The following SPAG16 variants were observed in gnomAD, a reference collection of about 807,000 sequenced individuals.
SPAG16 encodes the protein sperm-associated antigen 16 protein.
Under a neutral mutation model 80.4 loss-of-function variants are expected in SPAG16, and 86 were observed. The ratio of observed to expected loss-of-function variants is 1.07; its 90% CI spans 0.90 to 1.28. The LOEUF (loss-of-function observed/expected upper bound fraction) is 1.28. SPAG16 is among the 50% of genes most tolerant of loss of function. The pLI, the probability that SPAG16 is intolerant of heterozygous loss-of-function variation, is 0.00. For missense variants in SPAG16, 870 were observed against 765.3 expected, an observed-to-expected ratio of 1.14 and a Z score of -1.61; for synonymous variants, 294 against 265.9, an observed-to-expected ratio of 1.11 and a Z score of -1.03.
At chr2:214,157,718 TC>T (rs977486833) in intron 15 of SPAG16, among the ~76,000 whole-genome samples, 3 of 152,114 alleles carry the variant, frequency 2.0e-5, no homozygotes, top group Non-Finnish European at 4.4e-5. Context: ...AAAATGCATT[TC>T]AATTGCATGA....
intron 13 of SPAG16, among the ~76,000 whole-genome samples, chr2:214,048,510 A>G (rs2049461524): frequency 6.6e-6 from 1 of 152,000 alleles, no homozygotes; most frequent in Admixed American, 6.6e-5. Flanking sequence ...AATTAAAACA[A>G]TTGAACCTAT....
intron 9 of SPAG16, among the ~76,000 whole-genome samples, chr2:213,414,409 A>G (rs180999639): frequency 6.6e-6 from 1 of 152,244 alleles, no homozygotes; most frequent in East Asian, 1.9e-4. Context: ...ATATTTATAA[A>G]TCTCTGTTCT....
chr2:213,887,808 T>C (rs2076619622), intron 11 of SPAG16, among the ~76,000 whole-genome samples: 1 of 151,826 alleles, frequency 6.6e-6, no homozygotes, highest in African/African-American at 2.4e-5. Context: ...ATATTGATTA[T>C]AGATATTAAC....
At chr2:213,721,389 G>A (rs1262103577) in intron 10 of SPAG16, among the ~76,000 whole-genome samples, 4 of 152,164 alleles carry the variant, frequency 2.6e-5, no homozygotes, top group Non-Finnish European at 4.4e-5. Context: ...GTAAGCCACC[G>A]CGCCTGGCCT....
rs150011017 is a variant in SPAG16 at position 214,230,540 on chromosome 2, G to A, written c.1720+81274G>A. On this transcript the variant is annotated intron_variant, in intron 15 of 15. Coordinates refer to ENST00000331683, the MANE Select transcript of SPAG16 (RefSeq NM_024532.5). Reference sequence around the variant, plus strand: ...AATCTCAGGAAGAAATATTATGATAGTTTAAAATTAGTTCATAAATAATTG... The same window carrying A: ...AATCTCAGGAAGAAATATTATGATAATTTAAAATTAGTTCATAAATAATTG... 4.7e-4 allele frequency among the ~76,000 whole-genome samples: 71 copies of A among 152,094 alleles called. No homozygotes were observed. The East Asian group carries it at 0.013, about 27-fold the overall frequency.
intron 10 of SPAG16, among the ~76,000 whole-genome samples, chr2:213,758,961 A>C (rs1226094268): frequency 6.6e-6 from 1 of 152,246 alleles, no homozygotes; most frequent in Non-Finnish European, 1.5e-5. Flanking sequence ...TAAGATTATC[A>C]GTATATTTCT....
At chr2:213,940,464 A>C (rs115183080) in intron 12 of SPAG16, among the ~76,000 whole-genome samples, 1,988 of 151,950 alleles carry the variant, frequency 0.013, 40 homozygotes, top group African/African-American at 0.045. Context: ...TTATATATTT[A>C]TTTTTATTTT....
At chr2:214,103,524 TTG>T (rs1466485655) in intron 13 of SPAG16, among the ~76,000 whole-genome samples, 1 of 152,096 alleles carries the variant, frequency 6.6e-6, no homozygotes, top group African/African-American at 2.4e-5. Context: ...ATGAAAAAGG[TTG>T]TGTTTGAGTT....
intron 12 of SPAG16, among the ~76,000 whole-genome samples, chr2:213,976,308 G>T (rs529052627): frequency 6.7e-6 from 1 of 150,244 alleles, no homozygotes; most frequent in South Asian, 2.1e-4. Context: ...ATACACATGT[G>T]TGCGCATATG....
At chr2:213,993,368 G>A (rs1042279420) in intron 12 of SPAG16, among the ~76,000 whole-genome samples, 1 of 152,144 alleles carries the variant, frequency 6.6e-6, no homozygotes, top group African/African-American at 2.4e-5. Flanking sequence ...AATGGCAGAA[G>A]TCATTTCAAC....
chr2:214,332,750 C>T (rs1697011180), intron 15 of SPAG16, among the ~76,000 whole-genome samples: 2 of 152,048 alleles, frequency 1.3e-5, no homozygotes, highest in South Asian at 4.1e-4. Context: ...TTAAGGGTGA[C>T]TCTAATCTCC....
intron 14 of SPAG16, among the ~76,000 whole-genome samples, chr2:214,142,630 G>T (rs1472023507): frequency 1.3e-5 from 2 of 152,154 alleles, no homozygotes; most frequent in African/African-American, 2.4e-5. Context: ...TAATGTAGAT[G>T]AAATCTGCCC....
chr2:214,090,728 C>T (rs1262305493), intron 13 of SPAG16, among the ~76,000 whole-genome samples: 1 of 151,944 alleles, frequency 6.6e-6, no homozygotes, highest in African/African-American at 2.4e-5. Context: ...AACATTGTTT[C>T]GAATATCCTG....
chr2:213,835,443 C>T (rs559905130), intron 10 of SPAG16, among the ~76,000 whole-genome samples: 15 of 152,282 alleles, frequency 9.9e-5, no homozygotes, highest in African/African-American at 3.4e-4. Context: ...AAGAATTGCA[C>T]AAACTACTCA....
intron 14 of SPAG16, among the ~76,000 whole-genome samples, chr2:214,129,439 T>A (rs2054652738): frequency 6.6e-6 from 1 of 152,120 alleles, no homozygotes. Flanking sequence ...TTTGTCCAGG[T>A]TTTTGGTTGT....
chr2:213,369,547 A>G (rs1345020721), intron 8 of SPAG16, among the ~76,000 whole-genome samples: 1 of 151,818 alleles, frequency 6.6e-6, no homozygotes, highest in Non-Finnish European at 1.5e-5. Context: ...AATAAAATGC[A>G]TAAATTTAAG....
At chr2:214,301,822 G>A (rs1288823999) in intron 15 of SPAG16, among the ~76,000 whole-genome samples, 1 of 151,476 alleles carries the variant, frequency 6.6e-6, no homozygotes, top group Non-Finnish European at 1.5e-5. Flanking sequence ...TGCTAGCTTT[G>A]GGTTTTATTT....
intron 13 of SPAG16, among the ~76,000 whole-genome samples, chr2:214,026,718 C>T (rs747846201): frequency 3.3e-5 from 5 of 151,226 alleles, no homozygotes; most frequent in Non-Finnish European, 5.9e-5. Flanking sequence ...ACTAGCCTAC[C>T]GGTTATTAAT....
intron 10 of SPAG16, among the ~76,000 whole-genome samples, chr2:213,565,417 A>C (rs1281680917): frequency 1.3e-5 from 2 of 152,268 alleles, no homozygotes; most frequent in African/African-American, 4.8e-5. Context: ...TTCCATTGAG[A>C]ACTGGAAACC....
Sources: gnomAD v4.1 joint callset for allele counts (sites outside exome capture counted in the v4.1 genomes callset) on GRCh38, gnomAD v4.1.1 for gene constraint, MANE v1.5 for transcripts, NCBI Gene and HGNC (gene_info 2026-07-23, HGNC 2026-07-21) for gene names.